Variants in NRCAM observed in about 807,000 individuals in gnomAD.
NRCAM encodes NgCAM-related cell adhesion molecule.
In NRCAM, 83 loss-of-function variants were observed where a neutral mutation model predicts 156.5. The observed-to-expected ratio is 0.53, with a 90% CI of 0.44 to 0.64. The LOEUF (loss-of-function observed/expected upper bound fraction) is 0.64, where lower values mean the gene tolerates loss of function less well. Ranked by LOEUF, NRCAM falls within the 30% of genes least tolerant of loss-of-function variation. The probability of loss-of-function intolerance (pLI) is 0.00; values close to 1 mark genes in which losing one functional copy is unlikely to be tolerated. For missense variants in NRCAM, 1,417 were observed against 1,597.3 expected (o/e 0.89, Z 1.92); for synonymous variants, 538 against 563.9 (o/e 0.95, Z 0.65).
chr7:108,254,192 A>C (rs529005224), intron 3 of NRCAM, among the ~76,000 whole-genome samples: 9 of 152,394 alleles, frequency 5.9e-5, no homozygotes, highest in Middle Eastern at 3.4e-3. Context: ...GAAAATGCAA[A>C]GACAAGCCAC....
chr7:108,361,642 C>T (rs2099551919), intron 2 of NRCAM, among the ~76,000 whole-genome samples: 1 of 152,144 alleles, frequency 6.6e-6, no homozygotes, highest in African/African-American at 2.4e-5. Flanking sequence ...TCCTGGTTCC[C>T]ACCCTTTAGA....
chr7:108,427,161 T>G (rs1818381584), intron 1 of NRCAM, among the ~76,000 whole-genome samples: 1 of 152,144 alleles, frequency 6.6e-6, no homozygotes, highest in African/African-American at 2.4e-5. Flanking sequence ...CATTCCTTTT[T>G]CTTCTAGGAA....
chr7:108,237,823 C>A, intron 4 of NRCAM, 54 bp from the exon 5 acceptor site: 1 of 1,407,076 alleles, frequency 7.1e-7, no homozygotes, highest in South Asian at 1.4e-5. Flanking sequence ...TAAAGAAAAT[C>A]AGATGTTAAT....
chr7:108,262,110 A>G lies in NRCAM; in HGVS notation c.-106-21940T>C, dbSNP rs73416316. Among the ~76,000 whole-genome samples the G allele has an allele frequency of 5.2e-3, 791 of 152,122 alleles. 8 individuals are homozygous for G. Among genetic ancestry groups the G allele is most frequent in the African/African-American group, 0.017 (705 of 41,534 alleles). On this transcript the variant is annotated intron_variant, in intron 3 of 32. Transcript: ENST00000379028. ...CAAGCTACTTATGCACAAGTCCCCA[A>G]ATGCTGAGCCAGAGACTAAGGCTTG...
At chr7:108,327,230 G>C (rs969844203) in intron 2 of NRCAM, among the ~76,000 whole-genome samples, 3 of 152,168 alleles carry the variant, frequency 2.0e-5, no homozygotes, top group African/African-American at 7.2e-5. Context: ...GAGGCATGCT[G>C]CTCAGTCTAG....
intron 32 of NRCAM, among the ~76,000 whole-genome samples, chr7:108,157,298 T>C (rs1045847899): frequency 6.6e-6 from 1 of 152,134 alleles, no homozygotes; most frequent in Non-Finnish European, 1.5e-5. Flanking sequence ...AAGACAGCTA[T>C]TTGAAAACAC....
In NRCAM at chr7:108,164,278, G is replaced by A. The variant is rs118009437; in HGVS notation, c.3466+2643C>T. 1.9e-3 allele frequency among the ~76,000 whole-genome samples: 295 copies of A among 152,174 alleles called. 1 individual carries two copies. The highest frequency in any genetic ancestry group is 3.5e-3 in the South Asian group (17 of 4,830). On this transcript the variant is annotated intron_variant, in intron 30 of 32. Transcript: ENST00000379028. ...ACCAGTAGTACGGGGAAGAAGCGCA[G>A]CATCAGGACACCGCCTATCTCGTCT...
rs71137610 is a variant in NRCAM, at chr7:108,172,274, C to CATTTATTT, written c.3187+3040_3187+3047dup. 4.6e-4 allele frequency among the ~76,000 whole-genome samples: 70 copies of CATTTATTT among 150,696 alleles called. 1 individual carries two copies. Among genetic ancestry groups the CATTTATTT allele is most frequent in the East Asian group, 2.8e-3 (14 of 5,058 alleles). The stretch of plus-strand genomic sequence containing the variant: ...TTCCTAGAATTCCAGACCCTGAAAT[C>CATTTATTT]ATTTATTTATTTATTTATTTATGAA... On this transcript the variant is annotated intron_variant, in intron 28 of 32. Coordinates refer to ENST00000379028, the MANE Select transcript of NRCAM (RefSeq NM_001037132.4).
At chr7:108,195,721 AC>A (rs2074676068) in intron 15 of NRCAM, 39 bp downstream of exon 15, 2 of 1,137,838 alleles carry the variant, frequency 1.8e-6, no homozygotes, top group East Asian at 2.4e-5. Flanking sequence ...CCTTTAGCAA[AC>A]ATTTTAAGTA....
At chr7:108,369,751 T>C (rs2099616768) in intron 2 of NRCAM, among the ~76,000 whole-genome samples, 1 of 152,098 alleles carries the variant, frequency 6.6e-6, no homozygotes, top group African/African-American at 2.4e-5. Context: ...AGTTAACCTG[T>C]TATCTTATAA....
chr7:108,237,862 AG>A, intron 4 of NRCAM, 93 bp from the exon 5 acceptor site: 1 of 891,338 alleles, frequency 1.1e-6, no homozygotes. Flanking sequence ...CTGAAGATAA[AG>A]GGGGCATCTT....
intron 3 of NRCAM, among the ~76,000 whole-genome samples, chr7:108,248,801 G>C (rs2096137880): frequency 6.6e-6 from 1 of 152,148 alleles, no homozygotes; most frequent in African/African-American, 2.4e-5. Flanking sequence ...GGAAATGCTG[G>C]GGTGTGGGTG....
intron 32 of NRCAM, among the ~76,000 whole-genome samples, chr7:108,153,808 C>T (rs62469166): frequency 0.17 from 25,711 of 151,956 alleles, 3,054 homozygotes; most frequent in African/African-American, 0.34. Flanking sequence ...AAATAAAATT[C>T]AAAATATTAT....
intron 3 of NRCAM, among the ~76,000 whole-genome samples, chr7:108,254,158 T>C (rs922892965): frequency 3.3e-5 from 5 of 152,156 alleles, no homozygotes; most frequent in African/African-American, 1.2e-4. Flanking sequence ...TTAAAAACAG[T>C]TGCTCTTCAA....
chr7:108,177,659 A>G (rs1166223032), intron 26 of NRCAM, among the ~76,000 whole-genome samples: 1 of 17,754 alleles, frequency 5.6e-5, no homozygotes, highest in African/African-American at 9.4e-5. Context: ...ATATATATAT[A>G]TGTATATACG....
At chr7:108,370,086 G>C (rs1282637595) in intron 2 of NRCAM, among the ~76,000 whole-genome samples, 3 of 152,104 alleles carry the variant, frequency 2.0e-5, no homozygotes, top group Non-Finnish European at 4.4e-5. Flanking sequence ...TTCTAGGCTT[G>C]ATGAAGAATT....
intron 1 of NRCAM, among the ~76,000 whole-genome samples, chr7:108,418,859 A>C (rs1805370396): frequency 6.6e-6 from 1 of 152,184 alleles, no homozygotes; most frequent in South Asian, 2.1e-4. Flanking sequence ...GACACAAGTA[A>C]CAAGTCTAAT....
At chr7:108,159,377 G>T in intron 32 of NRCAM, 86 bp downstream of exon 32, 2 of 1,159,654 alleles carry the variant, frequency 1.7e-6, no homozygotes, top group Non-Finnish European at 1.3e-6. Context: ...TGAGATGCCA[G>T]GCAGAGCATA....
chr7:108,256,784 G>C (rs954564823), intron 3 of NRCAM, among the ~76,000 whole-genome samples: 29 of 152,146 alleles, frequency 1.9e-4, no homozygotes, highest in Non-Finnish European at 4.1e-4. Context: ...GGGAGGCCAA[G>C]GCGGGCGGAT....
Sources: allele counts gnomAD v4.1 joint callset (sites outside exome capture counted in the v4.1 genomes callset), GRCh38; gene constraint gnomAD v4.1.1; transcripts MANE v1.5; gene names NCBI Gene and HGNC (gene_info 2026-07-23, HGNC 2026-07-21).